The following TBC1D8B variants were observed in gnomAD, a reference collection of about 807,000 sequenced individuals.
The protein encoded by TBC1D8B is TBC1 domain family member 8B.
TBC1D8B carries 75 observed loss-of-function variants against 82.9 expected under a neutral mutation model. That is an observed-to-expected ratio of 0.90 (90% CI 0.75 to 1.10). The LOEUF (loss-of-function observed/expected upper bound fraction) is 1.10. Ranked by LOEUF, TBC1D8B falls within the 50% of genes least tolerant of loss-of-function variation. The probability of loss-of-function intolerance (pLI) is 0.00; values close to 1 mark genes in which losing one functional copy is unlikely to be tolerated. For missense variants in TBC1D8B, 794 were observed against 796.9 expected, an observed-to-expected ratio of 1.00 and a Z score of 0.04; for synonymous variants, 276 against 276.8, an observed-to-expected ratio of 1.00 and a Z score of 0.03.
intron 7 of TBC1D8B, among the ~76,000 whole-genome samples, chrX:106,833,966 T>TA (rs372718259): frequency 0.1 from 10,475 of 104,210 alleles, 1,358 homozygotes; most frequent in African/African-American, 0.35. Context: ...AATAAGCATT[T>TA]AAAAAAAAAA....
intron 7 of TBC1D8B, among the ~76,000 whole-genome samples, chrX:106,831,132 A>G (rs1335774192): frequency 1.8e-5 from 2 of 110,765 alleles, no homozygotes; most frequent in African/African-American, 6.5e-5. Flanking sequence ...AGCTATTTGT[A>G]TTTTAATTAA....
rs1394076890 is a variant in TBC1D8B, at chrX:106,875,296, TC to T, written c.*1332del. The stretch of plus-strand genomic sequence containing the variant: ...GAAACCATGAAAGGGCAGACCTCCT[TC>T]AGAGTGACTCAAGAGGTCTCCCTTT... On this transcript the variant is annotated 3_prime_UTR_variant, in exon 21 of 21. Coordinates refer to ENST00000357242, the MANE Select transcript of TBC1D8B (RefSeq NM_017752.3). The T allele has an allele frequency of 8.9e-6, 1 of 111,913 alleles. No homozygotes were observed. The highest frequency in any genetic ancestry group is 9.5e-5 in the Admixed American group (1 of 10,478). The allele number at this position is 111,913 out of a possible 1,213,427, so 9.2% of individuals were successfully genotyped here.
chrX:106,843,508 TA>T (rs1932366224), intron 10 of TBC1D8B, among the ~76,000 whole-genome samples: 1 of 111,852 alleles, frequency 8.9e-6, no homozygotes, highest in Non-Finnish European at 1.9e-5. Flanking sequence ...TAGTTGACCA[TA>T]AATGTTAGAG....
rs761948032 is a variant in TBC1D8B, at chrX:106,849,220, A to ATTTTTTTTTTTT, written c.1838-794_1838-783dup. ...TGTCTTTCATTATAATTATTTGTGT[A>ATTTTTTTTTTTT]TTTTTTTTTTTTTTTTTTTTTTAGG... On this transcript the variant is annotated intron_variant, in intron 11 of 20. Coordinates refer to ENST00000357242, the MANE Select transcript of TBC1D8B (RefSeq NM_017752.3). 4.1e-5 allele frequency: 36 copies of ATTTTTTTTTTTT among 879,204 alleles called. 6 individuals carry two copies. Among genetic ancestry groups the ATTTTTTTTTTTT allele is most frequent in the Admixed American group, 8.4e-5 (2 of 23,873 alleles). 72.5% of individuals were successfully genotyped at this position (879,204 alleles called of 1,213,427 possible). A position where few individuals can be genotyped will look rare whatever the true frequency, so the allele number is the denominator to read the frequency against.
rs1239011007 is a variant in TBC1D8B, at chrX:106,870,757, CA to C, written c.2913del (p.Asp972MetfsTer16). 8.3e-7 allele frequency: 1 copy of C among 1,204,184 alleles called. No homozygotes were observed. Among genetic ancestry groups the C allele is most frequent in the Non-Finnish European group, 1.1e-6 (1 of 892,045 alleles). ...TATTCAAGCATATCTAAGTCAATGG[CA>C]AGATGAGCTTTTCAAAAAAGAAGAA... ...IDIQAYLSQW[Q>X]DELFKKEENI... is the part of the protein sequence containing the mutation. On this transcript the variant is annotated frameshift_variant, in exon 20 of 21. Coordinates refer to ENST00000357242, the MANE Select transcript of TBC1D8B (RefSeq NM_017752.3). LOFTEE classifies it high-confidence loss of function.
At chrX:106,840,432 G>A (rs776917471) in intron 9 of TBC1D8B, among the ~76,000 whole-genome samples, 1 of 111,232 alleles carries the variant, frequency 9.0e-6, no homozygotes, top group South Asian at 3.8e-4. Flanking sequence ...TATACTGGGG[G>A]AATCTTTAGT....
At chrX:106,834,473 C>A (rs748092431) in intron 7 of TBC1D8B, among the ~76,000 whole-genome samples, 3 of 110,603 alleles carry the variant, frequency 2.7e-5, no homozygotes, top group Middle Eastern at 4.8e-3. Context: ...CCACCCCTGG[C>A]CCCTCCCAAA....
At chrX:106,805,365 A>T (rs1931157578) in intron 1 of TBC1D8B, among the ~76,000 whole-genome samples, 3 of 110,089 alleles carry the variant, frequency 2.7e-5, no homozygotes, top group Non-Finnish European at 5.7e-5. Flanking sequence ...ATTGGGATTA[A>T]AGGAATGAGC....
At chrX:106,815,607 G>T (rs1316287684) in intron 1 of TBC1D8B, 1 of 110,146 alleles carries the variant, frequency 9.1e-6, no homozygotes, top group East Asian at 2.8e-4. Context: ...GCTTGATGGG[G>T]ATGGCATTGA....
chrX:106,823,135 A>G, intron 4 of TBC1D8B, 91 bp from the exon 5 acceptor site: 1 of 968,826 alleles, frequency 1.0e-6, no homozygotes, highest in Non-Finnish European at 1.4e-6. Context: ...AGTATTTTTC[A>G]AGGGATTAAC....
chrX:106,840,835 G>A lies in TBC1D8B; in HGVS notation c.1670G>A (p.Arg557Lys). Residue 557 changes from arginine (R) to lysine (K), a missense_variant, in exon 10 of 21, where the codon AGG becomes AAG. By Grantham distance (26) the Arg-to-Lys change is conservative (BLOSUM62 2). Coordinates refer to ENST00000357242, the MANE Select transcript of TBC1D8B (RefSeq NM_017752.3). ...QSDTGISALR[R>K]VLTAYAYRNP... The stretch of plus-strand genomic sequence containing the variant: ...GATACTGGCATATCTGCTCTGAGAA[G>A]GGTACTCACAGCTTATGCATACAGG... 8.3e-7 allele frequency: 1 copy of A among 1,211,057 alleles called. No homozygotes were observed. Among genetic ancestry groups the A allele is most frequent in the Non-Finnish European group, 1.1e-6 (1 of 895,189 alleles).
At chrX:106,857,135 G>T (rs1932713490) in intron 14 of TBC1D8B, among the ~76,000 whole-genome samples, 1 of 110,971 alleles carries the variant, frequency 9.0e-6, no homozygotes. Context: ...AATAGCAGTA[G>T]AAGCAGGCTT....
At chrX:106,803,515 G>C (rs1931096778) in intron 1 of TBC1D8B, among the ~76,000 whole-genome samples, 1 of 111,259 alleles carries the variant, frequency 9.0e-6, no homozygotes, top group African/African-American at 3.3e-5. Flanking sequence ...GAGAACTGGA[G>C]TCAGGAGAGG....
At chrX:106,836,383 G>T (rs1284932954) in intron 7 of TBC1D8B, among the ~76,000 whole-genome samples, 1 of 111,520 alleles carries the variant, frequency 9.0e-6, no homozygotes, top group African/African-American at 3.3e-5. Context: ...TGAGATTTGG[G>T]TGGGGACTCA....
At position 106,865,834 on chromosome X, in the gene TBC1D8B, A is replaced by G; in HGVS notation, c.2463A>G (p.Pro821=). 2 of 1,209,512 alleles carry G rather than the reference A, an allele frequency of 1.7e-6. No individual in the cohort carries two copies. Among genetic ancestry groups the G allele is most frequent in the Non-Finnish European group, 2.2e-6 (2 of 894,131 alleles). ...CTTGTTATTGGTGTTTGGGTTGCCC[A>G]GTATTGAAGCATCATGACCCCAGTC... ...FLSCYWCLGC[P]VLKHHDPSLP... is the part of the protein sequence containing the mutation. The change falls in exon 16 of 21, where the codon CCA becomes CCG. Residue 821 remains proline (P), a synonymous_variant. Coordinates refer to ENST00000357242, the MANE Select transcript of TBC1D8B (RefSeq NM_017752.3).
intron 10 of TBC1D8B, among the ~76,000 whole-genome samples, chrX:106,842,302 C>T (rs1932326207): frequency 9.1e-6 from 1 of 110,344 alleles, no homozygotes; most frequent in African/African-American, 3.3e-5. Flanking sequence ...TTAGAGATAG[C>T]TTCAAAATAG....
intron 10 of TBC1D8B, among the ~76,000 whole-genome samples, chrX:106,844,775 C>T (rs1932398009): frequency 9.1e-6 from 1 of 110,085 alleles, no homozygotes; most frequent in Admixed American, 9.8e-5. Context: ...TCCTCCTTTC[C>T]TATTTTTTGA....
chrX:106,807,922 G>A (rs1383594007), intron 1 of TBC1D8B, among the ~76,000 whole-genome samples: 2 of 110,011 alleles, frequency 1.8e-5, no homozygotes, highest in Non-Finnish European at 3.8e-5. Context: ...ACTTGGTGGC[G>A]GGTGCCTGTA....
chrX:106,841,580 T>G (rs893289254), intron 10 of TBC1D8B, among the ~76,000 whole-genome samples: 6 of 111,753 alleles, frequency 5.4e-5, no homozygotes, highest in African/African-American at 1.9e-4. Context: ...GGAGGAATCA[T>G]TGGAAAAAAA....
Sources: allele counts gnomAD v4.1 joint callset (sites outside exome capture counted in the v4.1 genomes callset), GRCh38; gene constraint gnomAD v4.1.1; transcripts MANE v1.5; gene names NCBI Gene and HGNC (gene_info 2026-07-23, HGNC 2026-07-21).